SLC44A5: variants seen among roughly 807,000 people sequenced by gnomAD.
The protein encoded by SLC44A5 is choline transporter-like protein 5.
SLC44A5 carries 57 observed loss-of-function variants against 101.8 expected under a neutral mutation model. The ratio of observed to expected loss-of-function variants is 0.56; its 90% CI spans 0.45 to 0.70. The LOEUF is 0.70. Ranked by LOEUF, SLC44A5 falls within the 30% of genes least tolerant of loss-of-function variation. The probability of loss-of-function intolerance (pLI) is 0.00; values close to 1 mark genes in which losing one functional copy is unlikely to be tolerated. For missense variants in SLC44A5, 737 were observed against 853.1 expected (o/e 0.86, Z 1.70); for synonymous variants, 281 against 290.9 (o/e 0.97, Z 0.35).
rs570425609 is a variant in SLC44A5 at position 75,539,283 on chromosome 1, T to C, written c.13+2152A>G. Among the ~76,000 whole-genome samples the C allele has an allele frequency of 7.9e-5, 12 of 152,342 alleles. No individual in the cohort carries two copies. The South Asian group carries it at 1.4e-3, about 18-fold the overall frequency. On this transcript the variant is annotated intron_variant, in intron 2 of 23. Coordinates refer to ENST00000370859, the MANE Select transcript of SLC44A5 (RefSeq NM_001130058.2). ...ATGAAAACCACAATGCCTGTGGATA[T>C]AGCTTAATGTTTTTATTCTTTCCAC... is the stretch of plus-strand genomic sequence containing the variant.
chr1:75,226,886 A>G (rs771856444), intron 13 of SLC44A5, among the ~76,000 whole-genome samples: 11 of 152,168 alleles, frequency 7.2e-5, no homozygotes, highest in Non-Finnish European at 1.3e-4. Flanking sequence ...ATTTAAATAA[A>G]TATTTACATT....
chr1:75,480,203 T>C (rs1227794097), intron 2 of SLC44A5, among the ~76,000 whole-genome samples: 1 of 152,078 alleles, frequency 6.6e-6, no homozygotes, highest in Non-Finnish European at 1.5e-5. Context: ...AATTCAACAA[T>C]ACTTCATGCT....
chr1:75,468,283 A>G (rs1666927147), intron 2 of SLC44A5, among the ~76,000 whole-genome samples: 1 of 152,210 alleles, frequency 6.6e-6, no homozygotes, highest in South Asian at 2.1e-4. Flanking sequence ...AATTAAAACT[A>G]GAGATACTAT....
At chr1:75,509,927 T>C (rs1453626351) in intron 2 of SLC44A5, among the ~76,000 whole-genome samples, 1 of 152,186 alleles carries the variant, frequency 6.6e-6, no homozygotes, top group African/African-American at 2.4e-5. Context: ...AAGAGTTTAA[T>C]TGACTCACAG....
chr1:75,554,825 A>G (rs1316151169), intron 1 of SLC44A5, among the ~76,000 whole-genome samples: 1 of 152,142 alleles, frequency 6.6e-6, no homozygotes, highest in Non-Finnish European at 1.5e-5. Flanking sequence ...ATACAAAAAA[A>G]TAAGATACTG....
chr1:75,434,365 C>T lies in SLC44A5; in HGVS notation c.14-37744G>A, dbSNP rs192744420. On this transcript the variant is annotated intron_variant, in intron 2 of 23. Coordinates refer to ENST00000370859, the MANE Select transcript of SLC44A5 (RefSeq NM_001130058.2). ...TTTCTCAATGGGACAATTACAGAAGCTATTAACTGATCTCTCTGCCTCCAA... is the reference window on the plus strand; with the variant it reads ...TTTCTCAATGGGACAATTACAGAAGTTATTAACTGATCTCTCTGCCTCCAA... 4.1e-4 allele frequency among the ~76,000 whole-genome samples: 63 copies of T among 152,236 alleles called. 1 individual carries two copies. The highest frequency in any genetic ancestry group is 1.4e-3 in the African/African-American group (60 of 41,542).
At chr1:75,668,454 A>G in the SLC44A5 span, among the ~76,000 whole-genome samples, 2 of 149,386 alleles carry the variant, frequency 1.3e-5, no homozygotes, top group Non-Finnish European at 2.9e-5. Flanking sequence ...CCTCCCGAGT[A>G]GCTAGGATTA....
At chr1:75,248,343 T>TA (rs571909662) in intron 7 of SLC44A5, among the ~76,000 whole-genome samples, 120 of 152,074 alleles carry the variant, frequency 7.9e-4, no homozygotes, top group African/African-American at 2.6e-3. Flanking sequence ...AAAATGATAA[T>TA]AAAAAAACAT....
At chr1:75,451,499 AT>A (rs771423506) in intron 2 of SLC44A5, among the ~76,000 whole-genome samples, 4 of 152,162 alleles carry the variant, frequency 2.6e-5, no homozygotes, top group Admixed American at 6.5e-5. Flanking sequence ...GAACAAAAAA[AT>A]AATAATATTA....
At chr1:75,717,244 G>A in the SLC44A5 span, among the ~76,000 whole-genome samples, 1 of 151,604 alleles carries the variant, frequency 6.6e-6, no homozygotes, top group Non-Finnish European at 1.5e-5. Context: ...CGTAGGCTGA[G>A]GCATGAGAAT....
At chr1:75,221,142 T>G (rs1647070965) in intron 14 of SLC44A5, among the ~76,000 whole-genome samples, 1 of 152,180 alleles carries the variant, frequency 6.6e-6, no homozygotes. Flanking sequence ...GAGAGAGAGT[T>G]TAACTAACTG....
intron 22 of SLC44A5, among the ~76,000 whole-genome samples, 199 bp downstream of exon 22, chr1:75,213,504 TCC>T (rs1244163874): frequency 2.8e-5 from 4 of 143,308 alleles, no homozygotes; most frequent in South Asian, 2.3e-4. Flanking sequence ...TCTCTCTCTC[TCC>T]CCACCATGTG....
chr1:75,498,545 G>T (rs1007553824), intron 2 of SLC44A5, among the ~76,000 whole-genome samples: 3 of 151,964 alleles, frequency 2.0e-5, no homozygotes, highest in African/African-American at 7.3e-5. Context: ...TTTTAGATTT[G>T]ATTATAACAT....
chr1:75,575,653 C>T (rs139289743), intron 1 of SLC44A5, among the ~76,000 whole-genome samples: 4 of 152,282 alleles, frequency 2.6e-5, no homozygotes, highest in African/African-American at 9.6e-5. Flanking sequence ...CACTATCCTA[C>T]TTAATACAGA....
chr1:75,458,927 TG>T (rs1021823311), intron 2 of SLC44A5, among the ~76,000 whole-genome samples: 1 of 152,144 alleles, frequency 6.6e-6, no homozygotes, highest in Non-Finnish European at 1.5e-5. Context: ...AAGATGCCTG[TG>T]GAATTTCCAT....
At chr1:75,316,487 A>C (rs1655698380) in intron 4 of SLC44A5, among the ~76,000 whole-genome samples, 1 of 152,160 alleles carries the variant, frequency 6.6e-6, no homozygotes. Flanking sequence ...ATGCTCCCTT[A>C]CCTCTGGCAT....
Position 75,213,767 on chromosome 1 carries a change from G to A in SLC44A5, c.1900C>T (p.Gln634Ter). ...CCTTGTGCAATCACTGGCAGTCTTT[G>A]TGTGAAGAATAGGAAGGCCAGAACA... ...IGVLAFLFFT[Q>*]RLPVIAQGPA... The change falls in exon 22 of 24, where the codon CAA (glutamine) becomes TAA (stop). Residue 634 changes from glutamine (Q) to a stop codon, truncating the protein, a stop_gained. Coordinates refer to ENST00000370859, the MANE Select transcript of SLC44A5 (RefSeq NM_001130058.2). LOFTEE classifies it high-confidence loss of function. The A allele has an allele frequency of 1.9e-6, 3 of 1,612,762 alleles. No homozygotes were observed. The highest frequency in any genetic ancestry group is 2.5e-6 in the Non-Finnish European group (3 of 1,179,034).
chr1:75,314,086 T>A (rs1487394256), intron 4 of SLC44A5, among the ~76,000 whole-genome samples: 2 of 152,214 alleles, frequency 1.3e-5, no homozygotes, highest in Non-Finnish European at 2.9e-5. Flanking sequence ...CTTTATAGTT[T>A]AAATAATCCT....
At chr1:75,623,594 T>C in the SLC44A5 span, among the ~76,000 whole-genome samples, 1 of 152,184 alleles carries the variant, frequency 6.6e-6, no homozygotes, top group Non-Finnish European at 1.5e-5. Context: ...GATAAGGTTT[T>C]TTTTTAAAAT....
Sources: gnomAD v4.1 joint callset for allele counts (sites outside exome capture counted in the v4.1 genomes callset) on GRCh38, gnomAD v4.1.1 for gene constraint, MANE v1.5 for transcripts, NCBI Gene and HGNC (gene_info 2026-07-23, HGNC 2026-07-21) for gene names.